The following PDE4D variants were observed in gnomAD, a reference collection of about 807,000 sequenced individuals.
PDE4D encodes phosphodiesterase 4D, also known as 3',5'-cyclic-AMP phosphodiesterase 4D.
In PDE4D, 24 loss-of-function variants were observed where a neutral mutation model predicts 87.4. That is an observed-to-expected ratio of 0.27 (90% CI 0.20 to 0.39). The LOEUF is 0.39. PDE4D is among the 10% of genes least tolerant of loss of function. The pLI is 1.00. For synonymous variants in PDE4D, 384 were observed against 383.2 expected, an observed-to-expected ratio of 1.00 and a Z score of -0.02; for missense variants, 714 against 1,041.0, an observed-to-expected ratio of 0.69 and a Z score of 4.32.
At chr5:59,492,074 C>G (rs1424268557) in intron 1 of PDE4D, among the ~76,000 whole-genome samples, 1 of 152,034 alleles carries the variant, frequency 6.6e-6, no homozygotes, top group Non-Finnish European at 1.5e-5. Flanking sequence ...AGAACCCCAC[C>G]CCCAAACAAA....
chr5:59,128,015 CGTGTGTGTGT>C (rs55796726), intron 5 of PDE4D, among the ~76,000 whole-genome samples: 4,478 of 144,404 alleles, frequency 0.031, 88 homozygotes, highest in Non-Finnish European at 0.04. Context: ...CTTTCAGAGC[CGTGTGTGTGT>C]GTGTGTGTGT....
At chr5:59,144,897 G>A (rs943718791) in intron 5 of PDE4D, among the ~76,000 whole-genome samples, 1 of 135,710 alleles carries the variant, frequency 7.4e-6, no homozygotes, top group South Asian at 2.8e-4. Flanking sequence ...TAATGGGGGG[G>A]GGGGGGGGAA....
At position 59,837,589 on chromosome 5, in the gene PDE4D, C is replaced by T. The variant is rs527286596; in HGVS notation, c.455+55579G>A. 2.6e-5 allele frequency among the ~76,000 whole-genome samples: 4 copies of T among 152,180 alleles called. No individual in the cohort carries two copies. In the South Asian group the frequency reaches 8.3e-4, roughly 32 times the overall value. ...TCTAAAATGATGAATGAATCTCCCT[C>T]AGCAACTAGCAGGATGTTAAGCACG... On this transcript the variant is annotated intron_variant, in intron 1 of 14. Coordinates refer to ENST00000340635, the MANE Select transcript of PDE4D (RefSeq NM_001104631.2).
intron 5 of PDE4D, among the ~76,000 whole-genome samples, chr5:59,057,895 G>A (rs1218037428): frequency 6.6e-6 from 1 of 152,084 alleles, no homozygotes; most frequent in Non-Finnish European, 1.5e-5. Context: ...CATTAGTAGG[G>A]GACTGGGAAA....
intron 1 of PDE4D, among the ~76,000 whole-genome samples, chr5:60,326,100 C>T (rs948219786): frequency 5.9e-5 from 9 of 151,988 alleles, no homozygotes; most frequent in South Asian, 4.1e-4. Context: ...CAGTTTTAGG[C>T]GATTATAAAT....
Position 59,615,061 on chromosome 5 carries a change from C to T in PDE4D, c.455+278107G>A, listed in dbSNP as rs1214391806. Among the ~76,000 whole-genome samples, 5 of 152,122 alleles carry T rather than the reference C, an allele frequency of 3.3e-5. No homozygotes were observed. The East Asian group carries it at 7.7e-4, about 23-fold the overall frequency. ...CTCAGGCTGGTCTCAAACTCTTGAG[C>T]TCAAGCGATCTGCAGGCCTCGACCT... On this transcript the variant is annotated intron_variant, in intron 1 of 14. Coordinates refer to ENST00000340635, the MANE Select transcript of PDE4D (RefSeq NM_001104631.2).
chr5:59,874,071 G>A (rs951621239), intron 1 of PDE4D, among the ~76,000 whole-genome samples: 9 of 152,012 alleles, frequency 5.9e-5, no homozygotes, highest in Admixed American at 2.6e-4. Context: ...TTAAAAAAAT[G>A]GCCGAGTATG....
In PDE4D at chr5:59,999,122, C is replaced by T. The variant is rs541004442; in HGVS notation, c.43-10405G>A. Among the ~76,000 whole-genome samples the T allele has an allele frequency of 7.2e-5, 11 of 152,242 alleles. No homozygotes were observed. The South Asian group carries it at 1.9e-3, about 26-fold the overall frequency. On this transcript the variant is annotated intron_variant, in intron 2 of 16. Transcript: ENST00000502484. Reference sequence around the variant, plus strand: ...AAAGAAAATAATAGTCTCATTGAAACAGATGAGAAAAGGCATTTCACGTCA... The same window carrying T: ...AAAGAAAATAATAGTCTCATTGAAATAGATGAGAAAAGGCATTTCACGTCA...
intron 1 of PDE4D, among the ~76,000 whole-genome samples, chr5:59,544,011 C>T (rs1430887865): frequency 6.6e-6 from 1 of 152,150 alleles, no homozygotes. Context: ...CAAACTGTAG[C>T]CCTGGAAATA....
chr5:60,299,415 A>T (rs999039401), intron 1 of PDE4D, among the ~76,000 whole-genome samples: 16 of 152,228 alleles, frequency 1.1e-4, no homozygotes, highest in African/African-American at 3.9e-4. Flanking sequence ...TTTTAAGTTC[A>T]AGGGTACATG....
At chr5:59,005,431 C>A (rs991123360) in intron 6 of PDE4D, among the ~76,000 whole-genome samples, 1 of 152,154 alleles carries the variant, frequency 6.6e-6, no homozygotes, top group Non-Finnish European at 1.5e-5. Context: ...AATAAGAAAT[C>A]TTTTCAAAAA....
chr5:59,329,485 T>C (rs1365498144), intron 1 of PDE4D, among the ~76,000 whole-genome samples: 1 of 152,214 alleles, frequency 6.6e-6, no homozygotes, highest in Non-Finnish European at 1.5e-5. Flanking sequence ...ACTTCTTTTG[T>C]CTACTCACTG....
intron 1 of PDE4D, among the ~76,000 whole-genome samples, chr5:60,337,386 T>TACACACACACACACACACACACAC (rs1370710315): frequency 1.1e-5 from 1 of 92,128 alleles, no homozygotes; most frequent in African/African-American, 3.9e-5. Context: ...TATATATATA[T>TACACACACACACACACACACACAC]ATACACACAC....
chr5:59,582,367 A>G (rs1824326407), intron 1 of PDE4D, among the ~76,000 whole-genome samples: 1 of 152,150 alleles, frequency 6.6e-6, no homozygotes, highest in African/African-American at 2.4e-5. Flanking sequence ...TTCTGGATTG[A>G]GTTTCTGTAA....
At chr5:59,855,127 C>T (rs1230061013) in intron 1 of PDE4D, among the ~76,000 whole-genome samples, 3 of 152,106 alleles carry the variant, frequency 2.0e-5, no homozygotes, top group African/African-American at 7.2e-5. Context: ...TTCTAACCAG[C>T]TCCCTGGCAA....
At chr5:59,414,104 T>A (rs548443862) in intron 1 of PDE4D, among the ~76,000 whole-genome samples, 1 of 152,222 alleles carries the variant, frequency 6.6e-6, no homozygotes, top group Non-Finnish European at 1.5e-5. Context: ...TGATTACATA[T>A]CCTATGACTG....
chr5:59,342,931 T>G (rs1440559753), intron 1 of PDE4D, among the ~76,000 whole-genome samples: 1 of 152,040 alleles, frequency 6.6e-6, no homozygotes, highest in African/African-American at 2.4e-5. Context: ...TACTTTTTTG[T>G]GGTGAGAACA....
At chr5:59,158,453 G>T (rs984819130) in intron 5 of PDE4D, among the ~76,000 whole-genome samples, 1 of 152,140 alleles carries the variant, frequency 6.6e-6, no homozygotes, top group African/African-American at 2.4e-5. Flanking sequence ...CAACTGGAGA[G>T]GATGACTAGA....
intron 1 of PDE4D, among the ~76,000 whole-genome samples, chr5:59,651,767 T>C (rs1370142821): frequency 6.6e-6 from 1 of 152,102 alleles, no homozygotes; most frequent in Non-Finnish European, 1.5e-5. Context: ...AAAGATAGAA[T>C]AAAAGAAGGA....
Sources: gnomAD v4.1 joint callset for allele counts (sites outside exome capture counted in the v4.1 genomes callset) on GRCh38, gnomAD v4.1.1 for gene constraint, MANE v1.5 for transcripts, NCBI Gene and HGNC (gene_info 2026-07-23, HGNC 2026-07-21) for gene names.